PIK3C2G: variants seen among roughly 807,000 people sequenced by gnomAD.
The protein encoded by PIK3C2G is phosphatidylinositol 3-kinase C2 domain-containing subunit gamma.
In PIK3C2G, 168 loss-of-function variants were observed where a neutral mutation model predicts 181.1. The observed-to-expected ratio is 0.93, with a 90% CI of 0.82 to 1.05. The LOEUF (loss-of-function observed/expected upper bound fraction) is 1.05. Ranked by LOEUF, PIK3C2G falls within the 50% of genes least tolerant of loss-of-function variation. The probability of loss-of-function intolerance (pLI) is 0.00; values close to 1 mark genes in which losing one functional copy is unlikely to be tolerated. For synonymous variants in PIK3C2G, 573 were observed against 592.2 expected (o/e 0.97, Z 0.47); for missense variants, 1,869 against 1,732.8 (o/e 1.08, Z -1.40).
intron 25 of PIK3C2G, among the ~76,000 whole-genome samples, chr12:18,541,524 A>G (rs1020449029): frequency 6.6e-6 from 1 of 151,900 alleles, no homozygotes; most frequent in Non-Finnish European, 1.5e-5. Flanking sequence ...ACCCATTATT[A>G]TATTAGATAT....
intron 24 of PIK3C2G, among the ~76,000 whole-genome samples, chr12:18,527,768 T>A (rs116866922): frequency 5.7e-3 from 864 of 152,232 alleles, no homozygotes; most frequent in Non-Finnish European, 0.01. Context: ...ACACAATATA[T>A]TATACTTAGG....
intron 31 of PIK3C2G, among the ~76,000 whole-genome samples, chr12:18,614,328 T>A (rs1386738026): frequency 6.6e-6 from 1 of 152,128 alleles, no homozygotes; most frequent in Non-Finnish European, 1.5e-5. Context: ...CAAAGAAACA[T>A]TGACCCTCAA....
intron 30 of PIK3C2G, among the ~76,000 whole-genome samples, chr12:18,601,020 A>T (rs576721409): frequency 2.0e-4 from 31 of 152,230 alleles, no homozygotes; most frequent in African/African-American, 7.5e-4. Flanking sequence ...ATAAGAAATC[A>T]CAGACCAATC....
At chr12:18,534,596 G>C (rs984894239) in intron 24 of PIK3C2G, among the ~76,000 whole-genome samples, 1 of 151,572 alleles carries the variant, frequency 6.6e-6, no homozygotes, top group African/African-American at 2.4e-5. Flanking sequence ...GCATGTAAGA[G>C]AATAACATCA....
intron 8 of PIK3C2G, among the ~76,000 whole-genome samples, chr12:18,328,905 A>G (rs1951467967): frequency 6.6e-6 from 1 of 151,950 alleles, no homozygotes; most frequent in South Asian, 2.1e-4. Flanking sequence ...AATGAGCAAA[A>G]AAAGTGTAAG....
chr12:18,425,262 T>C (rs1945728895), intron 18 of PIK3C2G: 1 of 153,018 alleles, frequency 6.5e-6, no homozygotes, highest in Non-Finnish European at 1.5e-5. Flanking sequence ...AATGAAATAT[T>C]GTTCCAGGCC....
intron 5 of PIK3C2G, among the ~76,000 whole-genome samples, chr12:18,305,883 A>C (rs866313229): frequency 4.1e-4 from 63 of 152,006 alleles, no homozygotes; most frequent in African/African-American, 1.5e-3. Context: ...CTTGGGGCTC[A>C]GTATATATTT....
chr12:18,579,219 G>A (rs10841043), intron 29 of PIK3C2G, among the ~76,000 whole-genome samples: 25,234 of 152,040 alleles, frequency 0.17, 2,377 homozygotes, highest in African/African-American at 0.25. Context: ...TGAGTTTACA[G>A]TACTGTAATA....
At chr12:18,379,299 G>A (rs1399648082) in intron 13 of PIK3C2G, among the ~76,000 whole-genome samples, 1 of 146,072 alleles carries the variant, frequency 6.8e-6, no homozygotes, top group East Asian at 2.1e-4. Flanking sequence ...TCACTCATAG[G>A]TGGGAATTGA....
intron 21 of PIK3C2G, among the ~76,000 whole-genome samples, chr12:18,496,455 A>C (rs1474697200): frequency 6.6e-6 from 1 of 152,196 alleles, no homozygotes; most frequent in African/African-American, 2.4e-5. Flanking sequence ...ATGTGAGGAA[A>C]GTTTTATTTT....
chr12:18,382,310 T>C (rs1436814893), intron 14 of PIK3C2G, among the ~76,000 whole-genome samples: 2 of 152,190 alleles, frequency 1.3e-5, no homozygotes, highest in Non-Finnish European at 2.9e-5. Context: ...AACTGAGTAG[T>C]AGAAAAAAAA....
At chr12:18,287,442 T>C (rs778068511) in intron 3 of PIK3C2G, among the ~76,000 whole-genome samples, 1 of 152,234 alleles carries the variant, frequency 6.6e-6, no homozygotes, top group Non-Finnish European at 1.5e-5. Context: ...ATTTTGTTAA[T>C]CTAAAAATGA....
At chr12:18,322,953 C>T (rs1951175701) in intron 7 of PIK3C2G, among the ~76,000 whole-genome samples, 1 of 152,148 alleles carries the variant, frequency 6.6e-6, no homozygotes, top group African/African-American at 2.4e-5. Flanking sequence ...GAGAAACACA[C>T]ATACACCTCA....
intron 23 of PIK3C2G, among the ~76,000 whole-genome samples, chr12:18,504,369 G>C (rs753881961): frequency 6.6e-6 from 1 of 152,120 alleles, no homozygotes; most frequent in African/African-American, 2.4e-5. Flanking sequence ...TTGTGGTTAC[G>C]TTATTTCCAA....
At chr12:18,479,065 T>C (rs754215005) in intron 18 of PIK3C2G, among the ~76,000 whole-genome samples, 23 of 149,668 alleles carry the variant, frequency 1.5e-4, no homozygotes, top group Non-Finnish European at 3.1e-4. Flanking sequence ...TATACATATA[T>C]AAAATATATC....
At chr12:18,661,375 AAAG>A in the PIK3C2G span, among the ~76,000 whole-genome samples, 3 of 106,882 alleles carry the variant, frequency 2.8e-5, no homozygotes, top group African/African-American at 5.5e-5. Context: ...AAATAAAAAA[AAAG>A]AGAGAGAGAG....
At chr12:18,380,741 T>C (rs2137958670) in intron 13 of PIK3C2G, among the ~76,000 whole-genome samples, 2 of 152,352 alleles carry the variant, frequency 1.3e-5, no homozygotes, top group Admixed American at 1.3e-4. Flanking sequence ...TCTAGGCAGA[T>C]ATGTGCTGAC....
intron 14 of PIK3C2G, among the ~76,000 whole-genome samples, chr12:18,389,750 A>G (rs182744225): frequency 1.4e-4 from 21 of 152,278 alleles, no homozygotes; most frequent in Admixed American, 7.2e-4. Flanking sequence ...AAAAAATGCA[A>G]TTTGATAAAA....
the PIK3C2G span, among the ~76,000 whole-genome samples, chr12:18,672,085 A>G: frequency 6.6e-6 from 1 of 152,202 alleles, no homozygotes; most frequent in East Asian, 1.9e-4. Flanking sequence ...TTTTATGGGG[A>G]CACAAACATT....
Sources: allele counts gnomAD v4.1 joint callset (sites outside exome capture counted in the v4.1 genomes callset), GRCh38; gene constraint gnomAD v4.1.1; transcripts MANE v1.5; gene names NCBI Gene and HGNC (gene_info 2026-07-23, HGNC 2026-07-21).